Variants in GATAD2A observed in about 807,000 individuals in gnomAD.
The protein encoded by GATAD2A is transcriptional repressor p66-alpha.
In GATAD2A, 12 loss-of-function variants were observed where a neutral mutation model predicts 68.5. That is an observed-to-expected ratio of 0.18 (90% CI 0.11 to 0.28). The LOEUF (loss-of-function observed/expected upper bound fraction) is 0.28. Ranked by LOEUF, GATAD2A falls within the 10% of genes least tolerant of loss-of-function variation. The probability of loss-of-function intolerance (pLI) is 1.00; values close to 1 mark genes in which losing one functional copy is unlikely to be tolerated. For synonymous variants in GATAD2A, 410 were observed against 375.3 expected, an observed-to-expected ratio of 1.09 and a Z score of -1.07; for missense variants, 755 against 868.5, an observed-to-expected ratio of 0.87 and a Z score of 1.64.
chr19:19,470,341 G>A (rs981846216), intron 2 of GATAD2A, among the ~76,000 whole-genome samples: 18 of 151,876 alleles, frequency 1.2e-4, no homozygotes, highest in South Asian at 8.3e-4. Context: ...TCACCATGTT[G>A]GCCAGGCTGA....
At chr19:19,437,701 G>A (rs531059363) in intron 1 of GATAD2A, among the ~76,000 whole-genome samples, 4 of 152,196 alleles carry the variant, frequency 2.6e-5, no homozygotes, top group African/African-American at 7.2e-5. Flanking sequence ...GGCCTTTTGC[G>A]TCTGCCTTCT....
At chr19:19,467,604 C>T (rs2057976103) in intron 2 of GATAD2A, among the ~76,000 whole-genome samples, 1 of 152,112 alleles carries the variant, frequency 6.6e-6, no homozygotes, top group Non-Finnish European at 1.5e-5. Flanking sequence ...ATTTTCATTG[C>T]TGTATAGTAT....
rs1255942455 is a variant in GATAD2A, at chr19:19,505,609, G to T, written c.*135G>T. The T allele has an allele frequency of 5.4e-6, 4 of 746,638 alleles. No homozygotes were observed. In the Admixed American group the frequency reaches 1.0e-4, roughly 19 times the overall value. 46.3% of individuals were successfully genotyped at this position (746,638 alleles called of 1,614,324 possible). On this transcript the variant is annotated 3_prime_UTR_variant, in exon 12 of 12. Transcript: ENST00000683918. ...CCCAAGAGCAAGCACCGGCCATGCT[G>T]CAGAGGCAAGACCTCAATTCTTGGC...
At chr19:19,443,069 C>T (rs917151985) in intron 1 of GATAD2A, among the ~76,000 whole-genome samples, 4 of 152,100 alleles carry the variant, frequency 2.6e-5, no homozygotes, top group African/African-American at 4.8e-5. Context: ...ACTGAGGACA[C>T]GGAGTTTAAT....
chr19:19,392,079 CTT>C (rs753791949), intron 1 of GATAD2A, among the ~76,000 whole-genome samples: 386 of 107,020 alleles, frequency 3.6e-3, no homozygotes, highest in South Asian at 0.026. Context: ...AGAGTTTTTC[CTT>C]TTTTTTTTTT....
At chr19:19,441,523 C>A (rs2055076764) in intron 1 of GATAD2A, among the ~76,000 whole-genome samples, 1 of 151,966 alleles carries the variant, frequency 6.6e-6, no homozygotes, top group African/African-American at 2.4e-5. Context: ...AACAGATGCA[C>A]CACCATGTCC....
intron 1 of GATAD2A, among the ~76,000 whole-genome samples, chr19:19,391,432 A>T (rs149581543): frequency 9.9e-5 from 15 of 152,190 alleles, no homozygotes; most frequent in Non-Finnish European, 1.8e-4. Flanking sequence ...ATTTCTTTCA[A>T]TTCTTTTAAG....
chr19:19,403,005 T>C (rs2049908645), upstream of GATAD2A, among the ~76,000 whole-genome samples: 1 of 152,022 alleles, frequency 6.6e-6, no homozygotes, highest in Admixed American at 6.6e-5. Flanking sequence ...ACTCCTGACC[T>C]CAGGTGATCC....
intron 5 of GATAD2A, 120 bp from the exon 6 acceptor site, chr19:19,495,634 T>TTAAA: frequency 1.8e-6 from 1 of 546,344 alleles, no homozygotes; most frequent in African/African-American, 2.4e-5. Context: ...CTCTGCTACT[T>TTAAA]AAAAAAAAAA....
chr19:19,486,740 G>GT (rs1383399342), intron 2 of GATAD2A, among the ~76,000 whole-genome samples: 1 of 152,174 alleles, frequency 6.6e-6, no homozygotes, highest in East Asian at 1.9e-4. Context: ...AGATCAGCAG[G>GT]GCTGCCTGAT....
intron 2 of GATAD2A, among the ~76,000 whole-genome samples, chr19:19,491,144 G>A (rs993847530): frequency 6.6e-6 from 1 of 152,190 alleles, no homozygotes; most frequent in African/African-American, 2.4e-5. Flanking sequence ...GGTGCCTTGA[G>A]CACTTGTCTC....
intron 1 of GATAD2A, chr19:19,464,999 T>C: frequency 2.7e-6 from 1 of 373,608 alleles, no homozygotes; most frequent in African/African-American, 2.0e-5. Context: ...ACTTTTCCTC[T>C]GTTTGCTGTT....
chr19:19,454,917 GA>G (rs1180334237), intron 1 of GATAD2A, among the ~76,000 whole-genome samples: 2 of 152,202 alleles, frequency 1.3e-5, no homozygotes, highest in Non-Finnish European at 2.9e-5. Flanking sequence ...CTAGGCTAGG[GA>G]TTGGAAAACT....
At chr19:19,389,612 C>T (rs2048701185) in intron 1 of GATAD2A, among the ~76,000 whole-genome samples, 2 of 152,196 alleles carry the variant, frequency 1.3e-5, no homozygotes, top group Admixed American at 1.3e-4. Context: ...CAGGAGGCTG[C>T]TGCAGACTTG....
intron 2 of GATAD2A, among the ~76,000 whole-genome samples, chr19:19,473,867 A>C (rs1034300117): frequency 6.6e-6 from 1 of 151,964 alleles, no homozygotes; most frequent in Non-Finnish European, 1.5e-5. Context: ...AATGGCGTGA[A>C]CTCGGGAGGT....
chr19:19,409,376 A>G (rs1267769796), intron 1 of GATAD2A, among the ~76,000 whole-genome samples: 4 of 152,174 alleles, frequency 2.6e-5, no homozygotes, highest in Non-Finnish European at 5.9e-5. Flanking sequence ...TCCTGGGGTA[A>G]TAGAGCATCC....
intron 1 of GATAD2A, among the ~76,000 whole-genome samples, chr19:19,386,370 TC>T (rs1166984250): frequency 1.3e-5 from 2 of 150,700 alleles, no homozygotes; most frequent in Non-Finnish European, 3.0e-5. Context: ...CACACCCGCC[TC>T]TCTAGGGGCC....
intron 1 of GATAD2A, among the ~76,000 whole-genome samples, chr19:19,448,398 G>A (rs878865165): frequency 6.6e-6 from 1 of 152,280 alleles, no homozygotes; most frequent in African/African-American, 2.4e-5. Context: ...AATGAGGGCA[G>A]TGTTGGGCAC....
intron 1 of GATAD2A, among the ~76,000 whole-genome samples, chr19:19,393,899 T>G (rs930243238): frequency 6.6e-6 from 1 of 151,726 alleles, no homozygotes; most frequent in African/African-American, 2.4e-5. Context: ...TTTCTTTTTT[T>G]TTTTTTGGAG....
Sources: allele counts gnomAD v4.1 joint callset (sites outside exome capture counted in the v4.1 genomes callset), GRCh38; gene constraint gnomAD v4.1.1; transcripts MANE v1.5; gene names NCBI Gene and HGNC (gene_info 2026-07-23, HGNC 2026-07-21).